The following CEP120 variants were observed in gnomAD, a reference collection of about 807,000 sequenced individuals.
The protein encoded by CEP120 is centrosomal protein 120.
A neutral mutation model predicts 126.5 loss-of-function variants in CEP120; 113 were observed. The ratio of observed to expected loss-of-function variants is 0.89; its 90% CI spans 0.77 to 1.04. CEP120 has a LOEUF of 1.04. Ranked by LOEUF, CEP120 falls within the 50% of genes least tolerant of loss-of-function variation. The pLI is 0.00. For synonymous variants in CEP120, 400 were observed against 394.3 expected, an observed-to-expected ratio of 1.01 and a Z score of -0.17; for missense variants, 1,230 against 1,155.7, an observed-to-expected ratio of 1.06 and a Z score of -0.93.
chr5:123,361,059 G>GA lies in CEP120; in HGVS notation c.2580+3436dup, dbSNP rs571960187. On this transcript the variant is annotated intron_variant, in intron 18 of 19. Coordinates refer to ENST00000306467, the MANE Select transcript of CEP120 (RefSeq NM_001375405.1). The stretch of plus-strand genomic sequence containing the variant: ...ATTAATGATTATTCAATTCTCCAGA[G>GA]AAAATGCCCTAACCAATAGCTAACA... Among the ~76,000 whole-genome samples, 693 of 151,702 alleles carry GA rather than the reference G, an allele frequency of 4.6e-3. 3 individuals carry two copies. The highest frequency in any genetic ancestry group is 8.0e-3 in the Non-Finnish European group (542 of 67,780).
At chr5:123,403,183 G>A in intron 4 of CEP120, 1 of 431,298 alleles carries the variant, frequency 2.3e-6, no homozygotes, top group Non-Finnish European at 4.6e-6. Context: ...GAAAGGGCCT[G>A]GGAACAGTGA....
At chr5:123,395,722 C>T (rs1485524948) in intron 5 of CEP120, among the ~76,000 whole-genome samples, 2 of 150,266 alleles carry the variant, frequency 1.3e-5, no homozygotes, top group Non-Finnish European at 3.0e-5. Flanking sequence ...TGCACTGTCA[C>T]CCAGGCTCGA....
intron 1 of CEP120, among the ~76,000 whole-genome samples, chr5:123,418,878 C>CAGCCT: frequency 6.6e-6 from 1 of 152,258 alleles, no homozygotes; most frequent in South Asian, 2.1e-4. Context: ...CCACCATGCC[C>CAGCCT]AGCCTAGCAT....
At chr5:123,396,449 A>G (rs1772797197) in intron 5 of CEP120, among the ~76,000 whole-genome samples, 1 of 152,038 alleles carries the variant, frequency 6.6e-6, no homozygotes, top group South Asian at 2.1e-4. Flanking sequence ...AACTAAACTG[A>G]AACAGTAATT....
At chr5:123,360,749 G>A (rs1770017480) in intron 18 of CEP120, among the ~76,000 whole-genome samples, 1 of 151,726 alleles carries the variant, frequency 6.6e-6, no homozygotes, top group Non-Finnish European at 1.5e-5. Context: ...GAGGATGCGT[G>A]TGTTAGGAAG....
Position 123,384,995 on chromosome 5 carries a change from C to G in CEP120, c.1719G>C (p.Trp573Cys). The G allele has an allele frequency of 6.2e-7, 1 of 1,613,266 alleles. No homozygotes were observed. Among genetic ancestry groups the G allele is most frequent in the Non-Finnish European group, 8.5e-7 (1 of 1,179,596 alleles). ...RFLGSNGEQC[W>C]RQTYSESVPV... is the part of the protein sequence containing the mutation. ...GCACACTTTCACTGTAAGTTTGACG[C>G]CAACACTGTTCACCATTAGAACCTA... The change falls in exon 11 of 20, where the codon TGG becomes TGC. Residue 573 changes from tryptophan (W) to cysteine (C), a missense_variant. Physicochemically the swap from Trp to Cys is radical, Grantham distance 215 (BLOSUM62 -2). Transcript: ENST00000306467.
intron 10 of CEP120, among the ~76,000 whole-genome samples, 183 bp from the exon 11 acceptor site, chr5:123,385,316 A>C (rs1771946177): frequency 6.6e-6 from 1 of 152,250 alleles, no homozygotes; most frequent in Non-Finnish European, 1.5e-5. Flanking sequence ...TGATGTTTCC[A>C]TCAATGATGA....
At chr5:123,363,415 A>G (rs1468055497) in intron 18 of CEP120, among the ~76,000 whole-genome samples, 3 of 151,642 alleles carry the variant, frequency 2.0e-5, no homozygotes, top group African/African-American at 4.8e-5. Flanking sequence ...TGTCTTGCAT[A>G]TATTTACACC....
intron 18 of CEP120, among the ~76,000 whole-genome samples, chr5:123,359,888 G>A (rs1580642236): frequency 6.6e-6 from 1 of 151,962 alleles, no homozygotes; most frequent in African/African-American, 2.4e-5. Context: ...CATTCTTCTG[G>A]CAATGGGCAC....
intron 5 of CEP120, among the ~76,000 whole-genome samples, chr5:123,394,580 T>G (rs1280070583): frequency 6.6e-6 from 1 of 152,172 alleles, no homozygotes; most frequent in Admixed American, 6.5e-5. Context: ...AGCCTGAGGG[T>G]TGAGGATCCC....
intron 14 of CEP120, among the ~76,000 whole-genome samples, chr5:123,381,411 A>C (rs995366995): frequency 3.9e-5 from 6 of 151,996 alleles, no homozygotes; most frequent in Non-Finnish European, 7.4e-5. Context: ...CATCCCCTCA[A>C]ATCTGAAGCT....
At chr5:123,408,483 A>G (rs930342947) in intron 4 of CEP120, among the ~76,000 whole-genome samples, 3 of 152,204 alleles carry the variant, frequency 2.0e-5, no homozygotes, top group Admixed American at 2.0e-4. Flanking sequence ...AAGGAATACT[A>G]TGAAGATGTC....
chr5:123,398,623 C>A (rs1215551591), intron 5 of CEP120, among the ~76,000 whole-genome samples: 1 of 152,180 alleles, frequency 6.6e-6, no homozygotes, highest in Non-Finnish European at 1.5e-5. Context: ...TACCAATATT[C>A]ATGTTCTTGC....
At chr5:123,397,844 G>A (rs956162238) in intron 5 of CEP120, among the ~76,000 whole-genome samples, 5 of 152,220 alleles carry the variant, frequency 3.3e-5, no homozygotes, top group Non-Finnish European at 7.3e-5. Flanking sequence ...AGCACCTTGC[G>A]AGGCTGAGGT....
At chr5:123,360,653 G>GCAAAAGGGTAGGAAATACA (rs1770005317) in intron 18 of CEP120, among the ~76,000 whole-genome samples, 1 of 57,278 alleles carries the variant, frequency 1.7e-5, no homozygotes, top group South Asian at 6.6e-4. Context: ...TGCTTTTTGG[G>GCAAAAGGGTAGGAAATACA]CAAGAGGGTA....
intron 6 of CEP120, 124 bp downstream of exon 6, chr5:123,393,176 A>C: frequency 3.5e-6 from 3 of 848,624 alleles, no homozygotes; most frequent in Non-Finnish European, 3.7e-6. Flanking sequence ...AAGATGTGGC[A>C]GAAAGATAAC....
chr5:123,422,396 C>T (rs576941140), intron 1 of CEP120: 4 of 989,666 alleles, frequency 4.0e-6, no homozygotes, highest in South Asian at 2.8e-5. Flanking sequence ...CTGTTTCATT[C>T]TTACATTCCC....
rs370165109 is a variant in CEP120, at chr5:123,386,640, T to C, written c.1458A>G (p.Ala486=). The C allele has an allele frequency of 4.2e-6, 6 of 1,434,330 alleles. No individual in the cohort carries two copies. In the African/African-American group the frequency reaches 6.5e-5, roughly 15 times the overall value. The allele number at this position is 1,434,330 out of a possible 1,614,324, so 88.9% of individuals were successfully genotyped here. The change falls in exon 10 of 20, where the codon GCA becomes GCG. Residue 486 remains alanine, a synonymous_variant. Transcript: ENST00000306467. Reference sequence around the variant, plus strand: ...CAGGAGGATTAGTCATAATAGGAGCTGCACTTCCAAAGAATGGATATGAGT... The same window carrying C: ...CAGGAGGATTAGTCATAATAGGAGCCGCACTTCCAAAGAATGGATATGAGT... The part of the protein sequence containing the change: ...LRYSYPFFGS[A]APIMTNPPVE...
At chr5:123,388,202 T>C (rs1296214600) in intron 9 of CEP120, 4 of 279,734 alleles carry the variant, frequency 1.4e-5, no homozygotes, top group African/African-American at 8.7e-5. Context: ...AATAAGTTAT[T>C]ATAAATGCCT....
Sources: gnomAD v4.1 joint callset for allele counts (sites outside exome capture counted in the v4.1 genomes callset) on GRCh38, gnomAD v4.1.1 for gene constraint, MANE v1.5 for transcripts, NCBI Gene and HGNC (gene_info 2026-07-23, HGNC 2026-07-21) for gene names.